Variants in ELP1 observed in about 807,000 individuals in gnomAD.
ELP1 encodes elongator complex protein 1.
ELP1 carries 131 observed loss-of-function variants against 183.2 expected under a neutral mutation model. The observed-to-expected ratio is 0.72, with a 90% CI of 0.62 to 0.83. The LOEUF is 0.83. ELP1 is among the 40% of genes least tolerant of loss of function. The pLI is 0.00. For missense variants in ELP1, 1,550 were observed against 1,594.9 expected (o/e 0.97, Z 0.48); for synonymous variants, 555 against 569.0 (o/e 0.98, Z 0.35).
intron 19 of ELP1, 69 bp from the exon 20 acceptor site, chr9:108,899,964 T>A: frequency 8.3e-7 from 1 of 1,208,194 alleles, no homozygotes; most frequent in African/African-American, 1.5e-5. Context: ...GATACACCAT[T>A]TTACCTAACT....
At chr9:108,916,815 T>A (rs186360877) in intron 9 of ELP1, among the ~76,000 whole-genome samples, 2 of 152,210 alleles carry the variant, frequency 1.3e-5, no homozygotes, top group Non-Finnish European at 2.9e-5. Flanking sequence ...AATAGTTACA[T>A]GGGAGTTCAT....
chr9:108,898,102 G>A (rs985546503), intron 22 of ELP1, among the ~76,000 whole-genome samples: 1 of 152,166 alleles, frequency 6.6e-6, no homozygotes, highest in Non-Finnish European at 1.5e-5. Context: ...ATATAAACTG[G>A]CGAATCCAGG....
intron 36 of ELP1, 53 bp from the exon 37 acceptor site, chr9:108,869,235 C>T (rs1204905686): frequency 2.3e-5 from 34 of 1,480,164 alleles, no homozygotes; most frequent in Admixed American, 1.5e-4. Flanking sequence ...TGTTGGAGGG[C>T]GCTGAGGCAG....
intron 25 of ELP1, among the ~76,000 whole-genome samples, chr9:108,894,544 C>T (rs1419103959): frequency 6.6e-6 from 1 of 152,218 alleles, no homozygotes; most frequent in Non-Finnish European, 1.5e-5. Context: ...GGCAAAAATG[C>T]TTTCACATAC....
At chr9:108,904,738 A>T (rs1291942534) in intron 14 of ELP1, among the ~76,000 whole-genome samples, 1 of 152,232 alleles carries the variant, frequency 6.6e-6, no homozygotes. Context: ...TACTTTACAG[A>T]GGTATTATGA....
chr9:108,904,605 C>T (rs1828950891), intron 14 of ELP1, among the ~76,000 whole-genome samples: 1 of 152,144 alleles, frequency 6.6e-6, no homozygotes, highest in African/African-American at 2.4e-5. Context: ...AAGAAGAGAA[C>T]AAACTCTGGA....
rs746907451 is a variant in ELP1 at position 108,867,991 on chromosome 9, G to T, written c.*1124C>A. 1 of 152,292 alleles carries T rather than the reference G, an allele frequency of 6.6e-6. No homozygotes were observed. Among genetic ancestry groups the T allele is most frequent in the Non-Finnish European group, 1.5e-5 (1 of 68,048 alleles). The allele number at this position is 152,292 out of a possible 1,614,324, so 9.4% of individuals were successfully genotyped here. A position where few individuals can be genotyped will look rare whatever the true frequency, so the allele number is the denominator to read the frequency against. Reference sequence around the variant, plus strand: ...ACCTCATGTTGAAATGTGATCACCAGTGTTGGAAGTGGGGCCCAATGGGAG... The same window carrying T: ...ACCTCATGTTGAAATGTGATCACCATTGTTGGAAGTGGGGCCCAATGGGAG... On this transcript the variant is annotated 3_prime_UTR_variant, in exon 37 of 37. Coordinates refer to ENST00000374647, the MANE Select transcript of ELP1 (RefSeq NM_003640.5).
At chr9:108,875,608 TA>T (rs1455838208) in intron 35 of ELP1, 14 of 319,404 alleles carry the variant, frequency 4.4e-5, no homozygotes, top group Admixed American at 2.7e-4. Context: ...TCTTAGAACT[TA>T]ATGTGGGAGG....
At chr9:108,885,184 TA>T (rs141787349) in intron 29 of ELP1, among the ~76,000 whole-genome samples, 11 of 151,190 alleles carry the variant, frequency 7.3e-5, no homozygotes, top group South Asian at 6.3e-4. Flanking sequence ...AATAAAATAA[TA>T]AAAAAAGAAT....
intron 8 of ELP1, 137 bp downstream of exon 8, chr9:108,918,674 G>C (rs1387426229): frequency 1.4e-6 from 1 of 709,462 alleles, no homozygotes; most frequent in East Asian, 2.6e-5. Flanking sequence ...AACAAAGATA[G>C]ATACAGCCTT....
rs973759198 is a variant in ELP1, at chr9:108,908,992, T to C, written c.1361-588A>G. Among the ~76,000 whole-genome samples the C allele has an allele frequency of 5.1e-4, 78 of 152,072 alleles. 1 individual carries two copies. Among genetic ancestry groups the C allele is most frequent in the Non-Finnish European group, 2.6e-4 (18 of 68,006 alleles). On this transcript the variant is annotated intron_variant, in intron 12 of 36. Transcript: ENST00000374647. The stretch of plus-strand genomic sequence containing the variant: ...CAACAGGCACTTCGGTGGTTGCTTT[T>C]TACTCTGCTTGGAACGCTCTTTCTT...
intron 5 of ELP1, among the ~76,000 whole-genome samples, chr9:108,923,301 G>T (rs1005220678): frequency 6.6e-6 from 1 of 152,184 alleles, no homozygotes; most frequent in African/African-American, 2.4e-5. Context: ...GAACCCAGGA[G>T]TTCAAGGCTG....
chr9:108,884,553 A>G (rs1009444995), intron 29 of ELP1, among the ~76,000 whole-genome samples: 2 of 152,174 alleles, frequency 1.3e-5, no homozygotes, highest in African/African-American at 4.8e-5. Context: ...TAATCACAAC[A>G]AAATTAAAGT....
intron 14 of ELP1, among the ~76,000 whole-genome samples, chr9:108,904,342 TC>T (rs1334329380): frequency 6.7e-6 from 1 of 149,964 alleles, no homozygotes; most frequent in Non-Finnish European, 1.5e-5. Flanking sequence ...CCTCCTAGGC[TC>T]AAGTGATCCT....
At chr9:108,873,460 G>A (rs1827564376) in intron 36 of ELP1, among the ~76,000 whole-genome samples, 2 of 152,090 alleles carry the variant, frequency 1.3e-5, no homozygotes, top group Admixed American at 6.5e-5. Flanking sequence ...AAACCACAAG[G>A]GTAATGATAA....
chr9:108,922,803 G>C (rs759354495), intron 6 of ELP1, 39 bp downstream of exon 6: 1 of 1,487,852 alleles, frequency 6.7e-7, no homozygotes, highest in African/African-American at 1.4e-5. Context: ...ACTTACATTT[G>C]TTCCAGTCAA....
chr9:108,896,650 A>C lies in ELP1; in HGVS notation c.2588-6T>G, dbSNP rs1350078150. 2.5e-6 allele frequency: 4 copies of C among 1,613,480 alleles called. No homozygotes were observed. In the African/African-American group the frequency reaches 5.3e-5, roughly 22 times the overall value. Reference sequence around the variant, plus strand: ...AGGATCAGAGGGAGCATTTCCTAACAGTGTTTAGAAAACAAAACAGAACAC... The same window carrying C: ...AGGATCAGAGGGAGCATTTCCTAACCGTGTTTAGAAAACAAAACAGAACAC... On this transcript the variant is annotated splice_polypyrimidine_tract_variant and splice_region_variant and intron_variant, in intron 24 of 36. Coordinates refer to ENST00000374647, the MANE Select transcript of ELP1 (RefSeq NM_003640.5).
rs1472616915 is a variant in ELP1 at position 108,893,943 on chromosome 9, C to A, written c.2860G>T (p.Gly954Ter). Residue 954 changes from glycine to a stop codon, truncating the protein, a stop_gained and splice_region_variant, in exon 26 of 37, where the codon GGA (glycine) becomes TGA (stop). Coordinates refer to ENST00000374647, the MANE Select transcript of ELP1 (RefSeq NM_003640.5). LOFTEE classifies it high-confidence loss of function. Reference protein sequence around the residue: ...EKAIGHLSKCGPEYFPECLNL... With the variant: ...EKAIGHLSKC ...TAAACATACTAATCCCCACACTTACCACATTTGCTGAGGTGGCCAATGGCT... is the reference window on the plus strand; with the variant it reads ...TAAACATACTAATCCCCACACTTACAACATTTGCTGAGGTGGCCAATGGCT... 1 of 1,613,796 alleles carries A rather than the reference C, an allele frequency of 6.2e-7. No homozygotes were observed. The highest frequency in any genetic ancestry group is 1.7e-5 in the Admixed American group (1 of 60,004).
rs367771963 is a variant in ELP1, at chr9:108,889,328, T to A, written c.3222+4A>T. The A allele has an allele frequency of 4.3e-5, 70 of 1,613,642 alleles. No individual in the cohort carries two copies. Among genetic ancestry groups the A allele is most frequent in the Non-Finnish European group, 5.9e-5 (70 of 1,179,716 alleles). On this transcript the variant is annotated splice_donor_region_variant and intron_variant, in intron 29 of 36. Coordinates refer to ENST00000374647, the MANE Select transcript of ELP1 (RefSeq NM_003640.5). Reference sequence around the variant, plus strand: ...GGGGTTTAGAAGGGAGGAATTGAGTTTACCTGGGCACACTCTTCCAAAACC... The same window carrying A: ...GGGGTTTAGAAGGGAGGAATTGAGTATACCTGGGCACACTCTTCCAAAACC...
Sources: gnomAD v4.1 joint callset for allele counts (sites outside exome capture counted in the v4.1 genomes callset) on GRCh38, gnomAD v4.1.1 for gene constraint, MANE v1.5 for transcripts, NCBI Gene and HGNC (gene_info 2026-07-23, HGNC 2026-07-21) for gene names.